KCNH8: variants seen among roughly 807,000 people sequenced by gnomAD.
KCNH8 encodes potassium voltage-gated channel subfamily H member 8, also known as voltage-gated delayed rectifier potassium channel KCNH8.
Under a neutral mutation model 103.6 loss-of-function variants are expected in KCNH8, and 70 were observed. The ratio of observed to expected loss-of-function variants is 0.68; its 90% CI spans 0.56 to 0.82. KCNH8 has a LOEUF of 0.82. Ranked by LOEUF, KCNH8 falls within the 40% of genes least tolerant of loss-of-function variation. The pLI, the probability that KCNH8 is intolerant of heterozygous loss-of-function variation, is 0.00. For missense variants in KCNH8, 1,217 were observed against 1,329.9 expected, an observed-to-expected ratio of 0.92 and a Z score of 1.32; for synonymous variants, 498 against 489.4, an observed-to-expected ratio of 1.02 and a Z score of -0.23.
chr3:19,313,522 C>G (rs903787930), intron 3 of KCNH8, among the ~76,000 whole-genome samples: 2 of 151,860 alleles, frequency 1.3e-5, no homozygotes, highest in Non-Finnish European at 2.9e-5. Flanking sequence ...ACCATACTTA[C>G]AGATTGGGAA....
At chr3:19,419,200 T>TG (rs1553595468) in intron 7 of KCNH8, among the ~76,000 whole-genome samples, 5 of 133,940 alleles carry the variant, frequency 3.7e-5, no homozygotes, top group East Asian at 2.1e-4. Flanking sequence ...TTTTGGTTTT[T>TG]TTTTTTTTTT....
intron 1 of KCNH8, among the ~76,000 whole-genome samples, chr3:19,243,031 C>A (rs1455716792): frequency 6.6e-6 from 1 of 152,080 alleles, no homozygotes; most frequent in African/African-American, 2.4e-5. Context: ...CTTTCTGAGC[C>A]AAAGTTTCTT....
intron 1 of KCNH8, among the ~76,000 whole-genome samples, chr3:19,222,850 A>G (rs1363751036): frequency 1.3e-5 from 2 of 152,148 alleles, no homozygotes; most frequent in African/African-American, 4.8e-5. Flanking sequence ...TTACTTTACT[A>G]GTGAGGAAGT....
chr3:19,360,479 T>A lies in KCNH8; in HGVS notation c.811+12514T>A, dbSNP rs575997064. Among the ~76,000 whole-genome samples the A allele has an allele frequency of 5.3e-5, 8 of 152,204 alleles. No individual in the cohort carries two copies. The East Asian group carries it at 1.5e-3, about 29-fold the overall frequency. On this transcript the variant is annotated intron_variant, in intron 5 of 15. Transcript: ENST00000328405. ...ATATTCTTTTGTATATGTTTTATTG[T>A]TGCATTCCCACTATATCAGCAGAGT...
chr3:19,395,440 C>A (rs2066501534), intron 7 of KCNH8, 129 bp downstream of exon 7: 2 of 602,888 alleles, frequency 3.3e-6, no homozygotes, highest in South Asian at 5.3e-5. Context: ...TAATTAATTT[C>A]TATTTTTGAA....
At chr3:19,258,326 C>T (rs2125256285) in intron 2 of KCNH8, among the ~76,000 whole-genome samples, 1 of 152,120 alleles carries the variant, frequency 6.6e-6, no homozygotes, top group Non-Finnish European at 1.5e-5. Flanking sequence ...TCTTAAGCCA[C>T]TGATTCTCTG....
At chr3:19,493,342 G>A (rs1160216851) in intron 11 of KCNH8, among the ~76,000 whole-genome samples, 1 of 152,082 alleles carries the variant, frequency 6.6e-6, no homozygotes, top group Non-Finnish European at 1.5e-5. Flanking sequence ...TAATCCCCAG[G>A]TGTTCATGGG....
intron 3 of KCNH8, among the ~76,000 whole-genome samples, chr3:19,338,512 A>G (rs2065615719): frequency 6.6e-6 from 1 of 152,116 alleles, no homozygotes; most frequent in Admixed American, 6.6e-5. Flanking sequence ...CATTAAAAAT[A>G]TATATGAAGT....
intron 7 of KCNH8, among the ~76,000 whole-genome samples, chr3:19,402,840 G>A (rs1257210575): frequency 6.6e-6 from 1 of 151,868 alleles, no homozygotes; most frequent in Non-Finnish European, 1.5e-5. Context: ...AGTTATGCTT[G>A]TTCCGTACTT....
In KCNH8 at chr3:19,156,982, TAAAAA is replaced by T. The variant is rs139952502; in HGVS notation, c.76+8191_76+8195del. On this transcript the variant is annotated intron_variant, in intron 1 of 15. Coordinates refer to ENST00000328405, the MANE Select transcript of KCNH8 (RefSeq NM_144633.3). ...TCTATAAAGCTTTTTTTTTTTTTTT[TAAAAA>T]AAAGGTTTTCTTTTGTTCTATTAAG... Among the ~76,000 whole-genome samples the T allele has an allele frequency of 4.9e-3, 727 of 149,832 alleles. 7 individuals are homozygous for T. Among genetic ancestry groups the T allele is most frequent in the African/African-American group, 0.017 (668 of 40,398 alleles).
chr3:19,180,534 A>C (rs1308478549), intron 1 of KCNH8, among the ~76,000 whole-genome samples: 1 of 152,194 alleles, frequency 6.6e-6, no homozygotes, highest in Non-Finnish European at 1.5e-5. Context: ...CAGTTTCATT[A>C]AGTTTGACTC....
intron 6 of KCNH8, among the ~76,000 whole-genome samples, chr3:19,392,318 CAAAA>C (rs10662694): frequency 8.0e-6 from 1 of 125,430 alleles, no homozygotes; most frequent in Non-Finnish European, 1.7e-5. Flanking sequence ...ACATCTGTGT[CAAAA>C]AAAAAAAAAA....
At chr3:19,477,865 C>A (rs1334073096) in intron 11 of KCNH8, among the ~76,000 whole-genome samples, 1 of 152,020 alleles carries the variant, frequency 6.6e-6, no homozygotes. Flanking sequence ...ATTCGTGTAG[C>A]CATCACCTGA....
intron 12 of KCNH8, 149 bp downstream of exon 12, chr3:19,510,550 T>C: frequency 1.5e-6 from 1 of 647,458 alleles, no homozygotes; most frequent in East Asian, 2.7e-5. Context: ...ACTGACTTGC[T>C]TGAGTTTGAG....
rs543354572 is a variant in KCNH8 at position 19,480,752 on chromosome 3, G to A, written c.2040+23770G>A. 2.0e-5 allele frequency among the ~76,000 whole-genome samples: 3 copies of A among 152,224 alleles called. No individual in the cohort carries two copies. The East Asian group carries it at 5.8e-4, about 30-fold the overall frequency. ...CACAGTTTGAGAAAAAAAGAGTTGTGAATTTGTTTTGCTTTTTTTGTTACA... is the reference window on the plus strand; with the variant it reads ...CACAGTTTGAGAAAAAAAGAGTTGTAAATTTGTTTTGCTTTTTTTGTTACA... On this transcript the variant is annotated intron_variant, in intron 11 of 15. Coordinates refer to ENST00000328405, the MANE Select transcript of KCNH8 (RefSeq NM_144633.3).
chr3:19,412,544 G>T (rs2066796817), intron 7 of KCNH8, among the ~76,000 whole-genome samples: 1 of 151,716 alleles, frequency 6.6e-6, no homozygotes, highest in South Asian at 2.1e-4. Flanking sequence ...TGACAAGTGG[G>T]ACCCTATAAA....
intron 5 of KCNH8, among the ~76,000 whole-genome samples, chr3:19,378,485 A>G (rs1258215178): frequency 1.3e-5 from 2 of 152,238 alleles, no homozygotes; most frequent in Admixed American, 1.3e-4. Flanking sequence ...TTTGACTCAA[A>G]GAAAATATGA....
intron 1 of KCNH8, among the ~76,000 whole-genome samples, chr3:19,150,902 A>G (rs137937389): frequency 6.6e-6 from 1 of 152,294 alleles, no homozygotes; most frequent in African/African-American, 2.4e-5. Flanking sequence ...GATAAGTAAC[A>G]TAAGGGTTGA....
intron 7 of KCNH8, among the ~76,000 whole-genome samples, chr3:19,429,776 A>C (rs968699457): frequency 6.6e-6 from 1 of 151,974 alleles, no homozygotes; most frequent in African/African-American, 2.4e-5. Flanking sequence ...TCCTGTGTCC[A>C]TGTGTTCTCA....
Sources: allele counts gnomAD v4.1 joint callset (sites outside exome capture counted in the v4.1 genomes callset), GRCh38; gene constraint gnomAD v4.1.1; transcripts MANE v1.5; gene names NCBI Gene and HGNC (gene_info 2026-07-23, HGNC 2026-07-21).